The following GRID1 variants were observed in gnomAD, a reference collection of about 807,000 sequenced individuals.
The protein encoded by GRID1 is glutamate receptor ionotropic, delta-1.
GRID1 carries 28 observed loss-of-function variants against 98.0 expected under a neutral mutation model. That is an observed-to-expected ratio of 0.29 (90% CI 0.21 to 0.39). The LOEUF (loss-of-function observed/expected upper bound fraction) is 0.39, where lower values mean the gene tolerates loss of function less well. Among genes scored for constraint, GRID1 ranks in the 10% least tolerant of loss-of-function variants. The pLI is 1.00. For missense variants in GRID1, 1,111 were observed against 1,340.5 expected (o/e 0.83, Z 2.67); for synonymous variants, 553 against 538.5 (o/e 1.03, Z -0.37).
chr10:86,153,010 A>C (rs1425052263), intron 3 of GRID1, among the ~76,000 whole-genome samples: 1 of 152,204 alleles, frequency 6.6e-6, no homozygotes, highest in Admixed American at 6.5e-5. Flanking sequence ...CCAGAGCCAG[A>C]AGTGAAGCCA....
At chr10:86,140,666 A>G (rs1391062421) in intron 3 of GRID1, among the ~76,000 whole-genome samples, 1 of 152,268 alleles carries the variant, frequency 6.6e-6, no homozygotes, top group East Asian at 1.9e-4. Flanking sequence ...GCCCTAGACT[A>G]GGGCCTCAGC....
intron 4 of GRID1, among the ~76,000 whole-genome samples, chr10:85,980,996 C>T (rs10788473): frequency 0.33 from 50,915 of 152,112 alleles, 9,350 homozygotes; most frequent in South Asian, 0.5. Context: ...TTGCCTTCCT[C>T]CCAGGTGAGC....
chr10:86,123,445 G>A (rs1844707080), intron 4 of GRID1, among the ~76,000 whole-genome samples: 1 of 152,210 alleles, frequency 6.6e-6, no homozygotes, highest in Admixed American at 6.5e-5. Context: ...TGTGGAAACA[G>A]GCAGACAAAG....
At chr10:85,866,823 C>T (rs1355163351) in intron 6 of GRID1, among the ~76,000 whole-genome samples, 2 of 152,134 alleles carry the variant, frequency 1.3e-5, no homozygotes. Context: ...ACCCAGGTGA[C>T]TTGATTCCTC....
intron 8 of GRID1, among the ~76,000 whole-genome samples, chr10:85,797,901 A>T (rs1842540381): frequency 6.6e-6 from 1 of 152,208 alleles, no homozygotes; most frequent in South Asian, 2.1e-4. Context: ...GTTGCAAATG[A>T]CATGATTTCA....
intron 4 of GRID1, among the ~76,000 whole-genome samples, chr10:86,012,594 C>T (rs964864041): frequency 2.0e-5 from 3 of 152,268 alleles, no homozygotes; most frequent in Admixed American, 2.0e-4. Context: ...TGTGTCCCCC[C>T]CAAAATTCAG....
intron 4 of GRID1, among the ~76,000 whole-genome samples, chr10:86,059,380 C>T (rs2131911928): frequency 6.6e-6 from 1 of 152,372 alleles, no homozygotes; most frequent in African/African-American, 2.4e-5. Flanking sequence ...TTCGCACCTA[C>T]TATGTGCCAG....
intron 5 of GRID1, among the ~76,000 whole-genome samples, chr10:85,907,873 A>G (rs1841484285): frequency 6.6e-6 from 1 of 152,198 alleles, no homozygotes; most frequent in Admixed American, 6.5e-5. Flanking sequence ...GATTGCTGTA[A>G]TGTTAGAAAA....
chr10:85,956,008 C>T (rs1301647565), intron 4 of GRID1, among the ~76,000 whole-genome samples: 1 of 152,178 alleles, frequency 6.6e-6, no homozygotes, highest in Non-Finnish European at 1.5e-5. Flanking sequence ...CCTCCAGGCT[C>T]CCTGGCAAAA....
chr10:85,955,805 G>A (rs1264382929), intron 4 of GRID1, among the ~76,000 whole-genome samples: 1 of 152,186 alleles, frequency 6.6e-6, no homozygotes, highest in Non-Finnish European at 1.5e-5. Context: ...AGTGGACAGT[G>A]CAGCTGACCT....
rs139891490 is a variant in GRID1 at position 85,932,119 on chromosome 10, G to A, written c.727-15880C>T. On this transcript the variant is annotated intron_variant, in intron 4 of 15. Coordinates refer to ENST00000327946, the MANE Select transcript of GRID1 (RefSeq NM_017551.3). ...GTGCTGAGGCTCTCAGAGGCCTGCCGGCAGAACCAGGCTCACCCCACAATA... is the reference window on the plus strand; with the variant it reads ...GTGCTGAGGCTCTCAGAGGCCTGCCAGCAGAACCAGGCTCACCCCACAATA... 1.7e-3 allele frequency among the ~76,000 whole-genome samples: 262 copies of A among 152,292 alleles called. 2 individuals are homozygous for A. The highest frequency in any genetic ancestry group is 5.9e-3 in the African/African-American group (246 of 41,558).
chr10:85,780,151 C>A lies in GRID1; in HGVS notation c.1234-50537G>T, dbSNP rs116488294. On this transcript the variant is annotated intron_variant, in intron 8 of 15. Coordinates refer to ENST00000327946, the MANE Select transcript of GRID1 (RefSeq NM_017551.3). ...TGGCATTGGGAGGACATCTTGAGATCGTTGTCTAATCCCAGCCCTAGAGCA... is the reference window on the plus strand; with the variant it reads ...TGGCATTGGGAGGACATCTTGAGATAGTTGTCTAATCCCAGCCCTAGAGCA... Among the ~76,000 whole-genome samples the A allele has an allele frequency of 2.6e-3, 389 of 152,304 alleles. 2 individuals are homozygous for A. The highest frequency in any genetic ancestry group is 8.6e-3 in the African/African-American group (357 of 41,564).
chr10:86,321,745 G>A (rs1296396368), intron 2 of GRID1, among the ~76,000 whole-genome samples: 1 of 152,146 alleles, frequency 6.6e-6, no homozygotes, highest in Non-Finnish European at 1.5e-5. Context: ...CAGGGAGTAG[G>A]GGAGACAGCC....
chr10:86,089,807 C>T (rs1476301614), intron 4 of GRID1, among the ~76,000 whole-genome samples: 2 of 151,582 alleles, frequency 1.3e-5, no homozygotes, highest in African/African-American at 2.4e-5. Context: ...AGTGCAATGG[C>T]GTGATCTCGG....
intron 2 of GRID1, among the ~76,000 whole-genome samples, chr10:86,342,923 GTGT>G (rs1440071754): frequency 2.6e-5 from 4 of 152,256 alleles, no homozygotes; most frequent in Admixed American, 1.3e-4. Context: ...GCGTTCCTTG[GTGT>G]ATATGCCCAA....
At chr10:86,116,908 A>C (rs1362198305) in intron 4 of GRID1, among the ~76,000 whole-genome samples, 1 of 152,150 alleles carries the variant, frequency 6.6e-6, no homozygotes, top group Non-Finnish European at 1.5e-5. Context: ...AATGATTCTC[A>C]GGGAAATTTT....
intron 8 of GRID1, among the ~76,000 whole-genome samples, chr10:85,735,543 C>G (rs10788465): frequency 0.59 from 89,795 of 151,944 alleles, 27,883 homozygotes; most frequent in African/African-American, 0.79. Flanking sequence ...AAGATGTGGG[C>G]ATTTGGGACT....
chr10:86,344,029 G>A (rs757457413), intron 2 of GRID1, among the ~76,000 whole-genome samples: 2 of 152,238 alleles, frequency 1.3e-5, no homozygotes, highest in East Asian at 3.8e-4. Context: ...GGCCCTGGCC[G>A]CCCCTTGGCA....
chr10:85,773,154 C>G (rs956730772), intron 8 of GRID1, among the ~76,000 whole-genome samples: 7 of 152,144 alleles, frequency 4.6e-5, no homozygotes, highest in Non-Finnish European at 1.0e-4. Context: ...CCCTGGGATG[C>G]CAGGCTGGTT....
Sources: gnomAD v4.1 joint callset for allele counts (sites outside exome capture counted in the v4.1 genomes callset) on GRCh38, gnomAD v4.1.1 for gene constraint, MANE v1.5 for transcripts, NCBI Gene and HGNC (gene_info 2026-07-23, HGNC 2026-07-21) for gene names.